The following THADA variants were observed in gnomAD, a reference collection of about 807,000 sequenced individuals.
THADA encodes tRNA (32-2'-O)-methyltransferase regulator THADA.
In THADA, 213 loss-of-function variants were observed where a neutral mutation model predicts 219.8. The ratio of observed to expected loss-of-function variants is 0.97; its 90% CI spans 0.87 to 1.09. The LOEUF is 1.09. Among genes scored for constraint, THADA ranks in the 50% least tolerant of loss-of-function variants. The pLI is 0.00. For synonymous variants in THADA, 1,018 were observed against 828.9 expected (o/e 1.23, Z -3.92); for missense variants, 2,956 against 2,311.3 (o/e 1.28, Z -5.72).
chr2:43,283,365 T>C (rs1673594765), intron 35 of THADA, among the ~76,000 whole-genome samples: 1 of 152,182 alleles, frequency 6.6e-6, no homozygotes, highest in African/African-American at 2.4e-5. Flanking sequence ...CCTGAAAATG[T>C]GGAAGCAACT....
chr2:43,435,637 G>C (rs1416694267), intron 26 of THADA, among the ~76,000 whole-genome samples: 1 of 151,888 alleles, frequency 6.6e-6, no homozygotes, highest in African/African-American at 2.4e-5. Flanking sequence ...ACAAAAATTA[G>C]CCAGTTGAGG....
chr2:43,515,263 A>AATATATT (rs1691473570), intron 22 of THADA, among the ~76,000 whole-genome samples: 5 of 20,286 alleles, frequency 2.5e-4, no homozygotes, highest in African/African-American at 6.9e-4. Flanking sequence ...TATAATATAT[A>AATATATT]ATATATAATA....
intron 26 of THADA, among the ~76,000 whole-genome samples, chr2:43,460,771 T>A (rs1005518499): frequency 1.1e-4 from 17 of 152,214 alleles, no homozygotes; most frequent in African/African-American, 3.9e-4. Context: ...GGTATAACAT[T>A]GCTCTGGAGG....
At chr2:43,436,344 T>G (rs2104843432) in intron 26 of THADA, among the ~76,000 whole-genome samples, 1 of 152,272 alleles carries the variant, frequency 6.6e-6, no homozygotes, top group Non-Finnish European at 1.5e-5. Flanking sequence ...GTCTGTTTTT[T>G]GAAATTGCCC....
At chr2:43,320,425 C>T (rs1678565765) in intron 31 of THADA, 21 bp downstream of exon 31, 1 of 1,584,414 alleles carries the variant, frequency 6.3e-7, no homozygotes, top group Non-Finnish European at 8.6e-7. Flanking sequence ...TTCCAAAATA[C>T]AGTATAACTA....
chr2:43,553,737 A>G (rs1009724721), intron 17 of THADA, among the ~76,000 whole-genome samples: 3 of 152,154 alleles, frequency 2.0e-5, no homozygotes, highest in African/African-American at 7.2e-5. Flanking sequence ...TCCCACCAAC[A>G]GTCTATGCGG....
chr2:43,440,474 C>A (rs749009816), intron 26 of THADA, among the ~76,000 whole-genome samples: 8 of 152,176 alleles, frequency 5.3e-5, no homozygotes, highest in Non-Finnish European at 1.0e-4. Flanking sequence ...AATCATTCCA[C>A]TACAGGCCAT....
At chr2:43,556,100 T>G (rs1486782771) in intron 17 of THADA, 6 of 910,950 alleles carry the variant, frequency 6.6e-6, no homozygotes, top group Non-Finnish European at 8.5e-6. Context: ...TCATTCTCAT[T>G]TCAAAAGAGC....
intron 29 of THADA, among the ~76,000 whole-genome samples, chr2:43,353,954 A>G (rs186863694): frequency 0.023 from 3,556 of 152,134 alleles, 51 homozygotes; most frequent in Non-Finnish European, 0.035. Flanking sequence ...AGTAGCTAGG[A>G]CTACAGGTGC....
rs930985125 is a variant in THADA, at chr2:43,508,635, T to C, written c.3507+13A>G. 1.9e-6 allele frequency: 3 copies of C among 1,611,252 alleles called. No individual in the cohort carries two copies. The highest frequency in any genetic ancestry group is 2.7e-5 in the African/African-American group (2 of 74,848). On this transcript the variant is annotated intron_variant, in intron 23 of 37. Coordinates refer to ENST00000405975, the MANE Select transcript of THADA (RefSeq NM_022065.5). ...AAATATAAACAAACAGCTAGGGTCC[T>C]ACAGATAAATACCTGTATGTAGAAA...
At chr2:43,334,774 CAAAACAAAAAAA>C (rs931658720) in intron 30 of THADA, among the ~76,000 whole-genome samples, 2 of 143,652 alleles carry the variant, frequency 1.4e-5, no homozygotes, top group Admixed American at 6.9e-5. Flanking sequence ...GACTCCGTCT[CAAAACAAAAAAA>C]AAAACAAAAA....
At chr2:43,370,903 C>G (rs1372060353) in intron 29 of THADA, among the ~76,000 whole-genome samples, 4 of 152,198 alleles carry the variant, frequency 2.6e-5, no homozygotes, top group African/African-American at 9.6e-5. Context: ...CTAACAATAA[C>G]AAGTTAATGT....
chr2:43,340,593 G>A (rs1666959826), intron 30 of THADA, among the ~76,000 whole-genome samples: 1 of 152,108 alleles, frequency 6.6e-6, no homozygotes, highest in Admixed American at 6.5e-5. Context: ...GAAGGAAAAG[G>A]GTGTCGGTGT....
chr2:43,291,454 CAAAAAAAAAAAAAA>C (rs765352765), intron 34 of THADA, among the ~76,000 whole-genome samples: 3 of 8,094 alleles, frequency 3.7e-4, no homozygotes, highest in Non-Finnish European at 4.7e-4. Context: ...AACTCCATCT[CAAAAAAAAAAAAAA>C]AAAAAAAAAA....
chr2:43,541,219 G>A lies in THADA; in HGVS notation c.3204C>T (p.Cys1068=), dbSNP rs1474672478. ...KEVALLLGML[C]QLLPMQPVPE... ...GCACAGGCTGCATGGGCAGAAGCTG[G>A]CACAACATGCCTAAAAGTAAAGCAA... is the stretch of plus-strand genomic sequence containing the variant. Residue 1068 remains cysteine, a synonymous_variant, in exon 21 of 38, where the codon TGC becomes TGT. Transcript: ENST00000405975. 2 of 1,610,684 alleles carry A rather than the reference G, an allele frequency of 1.2e-6. No individual in the cohort carries two copies. Among genetic ancestry groups the A allele is most frequent in the East Asian group, 4.5e-5 (2 of 44,710 alleles).
intron 25 of THADA, among the ~76,000 whole-genome samples, chr2:43,496,762 T>A (rs1688322903): frequency 6.6e-6 from 1 of 152,208 alleles, no homozygotes; most frequent in Non-Finnish European, 1.5e-5. Flanking sequence ...GGGAAGAAGT[T>A]TGTTCATTCC....
intron 20 of THADA, among the ~76,000 whole-genome samples, chr2:43,542,282 T>A (rs1371826335): frequency 6.6e-6 from 1 of 152,150 alleles, no homozygotes; most frequent in African/African-American, 2.4e-5. Flanking sequence ...CAAAATAATA[T>A]ATTGCACTAA....
At chr2:43,481,853 C>T (rs1439450606) in intron 26 of THADA, among the ~76,000 whole-genome samples, 1 of 152,202 alleles carries the variant, frequency 6.6e-6, no homozygotes. Context: ...TGGCAAAGCA[C>T]ACTCCAAGAA....
At chr2:43,515,149 T>TATATATTATATATAATATA (rs1691333904) in intron 22 of THADA, among the ~76,000 whole-genome samples, 64 of 798 alleles carry the variant, frequency 0.08, 14 homozygotes, top group African/African-American at 0.29. Flanking sequence ...TATAATATAT[T>TATATATTATATATAATATA]TTATATATTA....
Sources: gnomAD v4.1 joint callset for allele counts (sites outside exome capture counted in the v4.1 genomes callset) on GRCh38, gnomAD v4.1.1 for gene constraint, MANE v1.5 for transcripts, NCBI Gene and HGNC (gene_info 2026-07-23, HGNC 2026-07-21) for gene names.